RHOH: variants seen among roughly 807,000 people sequenced by gnomAD.
The protein encoded by RHOH is rho-related GTP-binding protein RhoH.
A neutral mutation model predicts 13.8 loss-of-function variants in RHOH; 6 were observed. The observed-to-expected ratio is 0.44, with a 90% confidence interval of 0.24 to 0.86. The LOEUF (loss-of-function observed/expected upper bound fraction) is 0.86. Ranked by LOEUF, RHOH falls within the 40% of genes least tolerant of loss-of-function variation. RHOH has a pLI of 0.24. For synonymous variants in RHOH, 117 were observed against 103.0 expected (o/e 1.14, Z -0.82); for missense variants, 147 against 244.5 (o/e 0.60, Z 2.66).
chr4:40,226,378 T>G (rs1314429520), intron 1 of RHOH, among the ~76,000 whole-genome samples: 1 of 151,986 alleles, frequency 6.6e-6, no homozygotes, highest in Non-Finnish European at 1.5e-5. Context: ...AATACAAAAT[T>G]AGCTGGGTGT....
chr4:40,231,393 C>A (rs1727925126), intron 1 of RHOH, among the ~76,000 whole-genome samples: 1 of 146,084 alleles, frequency 6.8e-6, no homozygotes, highest in East Asian at 2.0e-4. Flanking sequence ...CATGTCAAAG[C>A]TCATGGGAGA....
At chr4:40,197,634 G>T (rs1055801053) in intron 1 of RHOH, among the ~76,000 whole-genome samples, 1 of 152,284 alleles carries the variant, frequency 6.6e-6, no homozygotes, top group South Asian at 2.1e-4. Flanking sequence ...GTTTGATGAA[G>T]TAAATCTAAA....
At chr4:40,199,995 A>G (rs896058196) in intron 1 of RHOH, among the ~76,000 whole-genome samples, 4 of 152,212 alleles carry the variant, frequency 2.6e-5, no homozygotes, top group African/African-American at 9.7e-5. Context: ...TGTTCCTTCT[A>G]GAGTCCCACT....
intron 1 of RHOH, among the ~76,000 whole-genome samples, chr4:40,239,479 A>T (rs542314503): frequency 3.9e-5 from 6 of 152,324 alleles, no homozygotes; most frequent in African/African-American, 1.4e-4. Flanking sequence ...ATAACTGTTT[A>T]TCATTATATT....
intron 1 of RHOH, chr4:40,240,258 A>T (rs1181915299): frequency 2.0e-5 from 3 of 151,598 alleles, no homozygotes; most frequent in Admixed American, 6.6e-5. Flanking sequence ...CGAGAAGATC[A>T]CTTGAGCCCA....
chr4:40,216,336 G>A (rs1725888560), intron 1 of RHOH, among the ~76,000 whole-genome samples: 1 of 151,872 alleles, frequency 6.6e-6, no homozygotes, highest in Non-Finnish European at 1.5e-5. Flanking sequence ...GGGCGTGGTG[G>A]CAGGTGCCTG....
intron 1 of RHOH, among the ~76,000 whole-genome samples, chr4:40,236,868 A>T (rs73132503): frequency 4.5e-4 from 68 of 151,972 alleles, no homozygotes; most frequent in Non-Finnish European, 9.0e-4. Flanking sequence ...ACACATATAT[A>T]GCTAATTATG....
chr4:40,237,078 A>C (rs1728670363), intron 1 of RHOH, among the ~76,000 whole-genome samples: 1 of 152,212 alleles, frequency 6.6e-6, no homozygotes, highest in African/African-American at 2.4e-5. Context: ...AAGGTTTTGG[A>C]GTGAAAAAGT....
chr4:40,210,839 G>A (rs965665198), intron 1 of RHOH, among the ~76,000 whole-genome samples: 3 of 152,132 alleles, frequency 2.0e-5, no homozygotes, highest in African/African-American at 7.2e-5. Flanking sequence ...CATATAATTT[G>A]TCTATGGTAT....
chr4:40,226,122 T>G (rs181557525), intron 1 of RHOH, among the ~76,000 whole-genome samples: 1 of 152,278 alleles, frequency 6.6e-6, no homozygotes, highest in African/African-American at 2.4e-5. Flanking sequence ...TTCTTTTCAG[T>G]TGCCTTAAAA....
At chr4:40,230,259 G>A (rs1259015106) in intron 1 of RHOH, among the ~76,000 whole-genome samples, 1 of 151,188 alleles carries the variant, frequency 6.6e-6, no homozygotes, top group Non-Finnish European at 1.5e-5. Flanking sequence ...GGCTGGTCTA[G>A]AATTCCTGAC....
At chr4:40,240,124 G>A (rs1729070138) in intron 1 of RHOH, 1 of 152,176 alleles carries the variant, frequency 6.6e-6, no homozygotes, top group South Asian at 2.1e-4. Context: ...ATTTCCTTTT[G>A]CAGATATTCA....
intron 1 of RHOH, among the ~76,000 whole-genome samples, chr4:40,231,379 A>G (rs1339927983): frequency 6.8e-6 from 1 of 146,384 alleles, no homozygotes; most frequent in Non-Finnish European, 1.5e-5. Flanking sequence ...CTAGCTAAAG[A>G]TTTCATGTCA....
chr4:40,227,347 G>A (rs1179933684), intron 1 of RHOH, among the ~76,000 whole-genome samples: 1 of 152,196 alleles, frequency 6.6e-6, no homozygotes, highest in African/African-American at 2.4e-5. Context: ...AGGAAATTAA[G>A]TATGGGCTAT....
chr4:40,206,224 T>G (rs913590947), intron 1 of RHOH, among the ~76,000 whole-genome samples: 5 of 152,214 alleles, frequency 3.3e-5, no homozygotes, highest in Non-Finnish European at 7.4e-5. Context: ...GGACCCCTAC[T>G]TTTAATTTGT....
chr4:40,193,650 C>T (rs1722850711), upstream of RHOH: 1 of 152,548 alleles, frequency 6.6e-6, no homozygotes, highest in African/African-American at 2.4e-5. Flanking sequence ...TGAGATTAAA[C>T]TGTGTGAAGA....
chr4:40,232,408 A>G (rs6831853), intron 1 of RHOH, among the ~76,000 whole-genome samples: 107,503 of 150,374 alleles, frequency 0.71, 39,265 homozygotes, highest in Non-Finnish European at 0.78. Flanking sequence ...TTTTTTTAGT[A>G]TAGACTTGGT....
intron 1 of RHOH, among the ~76,000 whole-genome samples, chr4:40,217,183 G>T (rs1725990248): frequency 6.6e-6 from 1 of 152,176 alleles, no homozygotes; most frequent in South Asian, 2.1e-4. Flanking sequence ...TGGCAGGAGG[G>T]TCGGGGTCTT....
chr4:40,204,250 C>T (rs1011569830), intron 1 of RHOH, among the ~76,000 whole-genome samples: 15 of 152,208 alleles, frequency 9.9e-5, no homozygotes, highest in African/African-American at 3.6e-4. Flanking sequence ...CATTCCCCAT[C>T]GTCAGGGCCT....
Sources: allele counts gnomAD v4.1 joint callset (sites outside exome capture counted in the v4.1 genomes callset), GRCh38; gene constraint gnomAD v4.1.1; transcripts MANE v1.5; gene names NCBI Gene and HGNC (gene_info 2026-07-23, HGNC 2026-07-21).